The following SPAG16 variants were observed in gnomAD, a reference collection of about 807,000 sequenced individuals.
The protein encoded by SPAG16 is sperm-associated antigen 16 protein.
Under a neutral mutation model 80.4 loss-of-function variants are expected in SPAG16, and 86 were observed. That is an observed-to-expected ratio of 1.07 (90% CI 0.90 to 1.28). The LOEUF (loss-of-function observed/expected upper bound fraction) is 1.28. Among genes scored for constraint, SPAG16 ranks in the 50% most tolerant of loss-of-function variants. The pLI, the probability that SPAG16 is intolerant of heterozygous loss-of-function variation, is 0.00. For missense variants in SPAG16, 870 were observed against 765.3 expected (o/e 1.14, Z -1.61); for synonymous variants, 294 against 265.9 (o/e 1.11, Z -1.03).
intron 10 of SPAG16, among the ~76,000 whole-genome samples, chr2:213,612,651 T>G (rs1447555713): frequency 1.3e-5 from 2 of 152,176 alleles, no homozygotes; most frequent in Non-Finnish European, 2.9e-5. Flanking sequence ...CGCTCACTGC[T>G]CCACTTGACT....
intron 10 of SPAG16, among the ~76,000 whole-genome samples, chr2:213,520,585 C>G (rs923317261): frequency 6.6e-6 from 1 of 152,156 alleles, no homozygotes; most frequent in African/African-American, 2.4e-5. Flanking sequence ...CAGAGCAAGA[C>G]TCCATCTCAA....
intron 13 of SPAG16, among the ~76,000 whole-genome samples, chr2:214,072,730 TATC>T (rs2050848782): frequency 6.6e-6 from 1 of 152,158 alleles, no homozygotes; most frequent in Non-Finnish European, 1.5e-5. Context: ...AAAACTGTAT[TATC>T]AGAAAAAGTA....
chr2:214,249,253 TAG>T (rs1303731420), intron 15 of SPAG16, among the ~76,000 whole-genome samples: 1 of 152,156 alleles, frequency 6.6e-6, no homozygotes, highest in African/African-American at 2.4e-5. Flanking sequence ...GTAAACAAAG[TAG>T]AGTTATTTTG....
chr2:213,520,502 G>A (rs1409824452), intron 10 of SPAG16, among the ~76,000 whole-genome samples: 5 of 152,260 alleles, frequency 3.3e-5, no homozygotes, highest in African/African-American at 1.2e-4. Flanking sequence ...GCTGAGGCAG[G>A]AGAATGGTGT....
Position 214,301,124 on chromosome 2 carries a change from C to T in SPAG16, c.1721-109016C>T, listed in dbSNP as rs1004198619. ...AAAAAGAAAATATATCATGATCACACGGGTTTTAGTGCAGGGATCCAAAAA... is the reference window on the plus strand; with the variant it reads ...AAAAAGAAAATATATCATGATCACATGGGTTTTAGTGCAGGGATCCAAAAA... On this transcript the variant is annotated intron_variant, in intron 15 of 15. Transcript: ENST00000331683. 2.9e-4 allele frequency among the ~76,000 whole-genome samples: 44 copies of T among 150,226 alleles called. No individual in the cohort carries two copies. In the East Asian group the frequency reaches 4.1e-3, roughly 14 times the overall value.
intron 10 of SPAG16, among the ~76,000 whole-genome samples, chr2:213,854,298 C>T (rs1454829171): frequency 6.6e-6 from 1 of 151,970 alleles, no homozygotes; most frequent in East Asian, 1.9e-4. Context: ...ATATGAAGGG[C>T]CAAATTACAA....
At chr2:214,266,134 A>G (rs924060163) in intron 15 of SPAG16, among the ~76,000 whole-genome samples, 2 of 151,960 alleles carry the variant, frequency 1.3e-5, no homozygotes, top group Non-Finnish European at 2.9e-5. Context: ...ATATATGTTC[A>G]AGTCCTTATC....
intron 12 of SPAG16, among the ~76,000 whole-genome samples, chr2:213,962,738 A>G (rs138193229): frequency 5.3e-4 from 81 of 152,326 alleles, no homozygotes; most frequent in Non-Finnish European, 1.0e-3. Flanking sequence ...CGCTTTACTC[A>G]TTGTAAGTTT....
chr2:213,407,082 G>A (rs543808397), intron 9 of SPAG16, among the ~76,000 whole-genome samples: 10 of 152,280 alleles, frequency 6.6e-5, no homozygotes, highest in Non-Finnish European at 1.0e-4. Context: ...GTCAAATTCT[G>A]GAGGGCTAAA....
chr2:213,723,322 C>G (rs938290891), intron 10 of SPAG16, among the ~76,000 whole-genome samples: 4 of 152,180 alleles, frequency 2.6e-5, no homozygotes, highest in African/African-American at 9.7e-5. Flanking sequence ...TAATAAAGAG[C>G]TGACTCTCTG....
intron 9 of SPAG16, among the ~76,000 whole-genome samples, chr2:213,385,920 A>T (rs1559479384): frequency 6.6e-6 from 1 of 152,090 alleles, no homozygotes; most frequent in Non-Finnish European, 1.5e-5. Flanking sequence ...TATGTTTTCA[A>T]ATTTCACTTC....
intron 10 of SPAG16, among the ~76,000 whole-genome samples, chr2:213,588,993 G>A (rs960374712): frequency 2.0e-5 from 3 of 151,858 alleles, no homozygotes; most frequent in Non-Finnish European, 4.4e-5. Flanking sequence ...CTCCTTCTTG[G>A]AAAAATAAAC....
intron 15 of SPAG16, among the ~76,000 whole-genome samples, chr2:214,224,055 C>T (rs1285353144): frequency 6.6e-6 from 1 of 152,136 alleles, no homozygotes; most frequent in Admixed American, 6.6e-5. Flanking sequence ...GTGCAAAGAC[C>T]AGCTGTTAGT....
intron 13 of SPAG16, among the ~76,000 whole-genome samples, chr2:214,073,279 C>T (rs1351260804): frequency 2.7e-5 from 4 of 150,338 alleles, no homozygotes; most frequent in Admixed American, 6.6e-5. Flanking sequence ...GCTCTATCAC[C>T]AGGCTGGAGT....
chr2:214,073,241 T>G (rs1364910951), intron 13 of SPAG16, among the ~76,000 whole-genome samples: 1 of 151,312 alleles, frequency 6.6e-6, no homozygotes, highest in African/African-American at 2.4e-5. Context: ...TCTTTTTTTT[T>G]TTTTCTTTTT....
chr2:214,353,663 T>C (rs1698572891), intron 15 of SPAG16, among the ~76,000 whole-genome samples: 1 of 152,158 alleles, frequency 6.6e-6, no homozygotes. Context: ...AAGATGCCAT[T>C]GCATAAAGAT....
At chr2:213,708,610 G>A (rs2125351591) in intron 10 of SPAG16, among the ~76,000 whole-genome samples, 1 of 152,158 alleles carries the variant, frequency 6.6e-6, no homozygotes, top group East Asian at 1.9e-4. Flanking sequence ...TGGCAAACAT[G>A]GTGAAACCCC....
At chr2:213,564,217 T>C (rs1234317594) in intron 10 of SPAG16, among the ~76,000 whole-genome samples, 1 of 152,178 alleles carries the variant, frequency 6.6e-6, no homozygotes, top group African/African-American at 2.4e-5. Flanking sequence ...CACTCTATTA[T>C]GTTGAACTAG....
intron 12 of SPAG16, among the ~76,000 whole-genome samples, chr2:214,004,183 G>C (rs2046922970): frequency 1.3e-5 from 2 of 152,158 alleles, no homozygotes. Flanking sequence ...AGTTAAAGTG[G>C]TAAGATCAGG....
Sources: allele counts gnomAD v4.1 joint callset (sites outside exome capture counted in the v4.1 genomes callset), GRCh38; gene constraint gnomAD v4.1.1; transcripts MANE v1.5; gene names NCBI Gene and HGNC (gene_info 2026-07-23, HGNC 2026-07-21).